The following PTPN9 variants were observed in gnomAD, a reference collection of about 807,000 sequenced individuals.
PTPN9 encodes the protein tyrosine-protein phosphatase non-receptor type 9.
PTPN9 carries 26 observed loss-of-function variants against 69.8 expected under a neutral mutation model. That is an observed-to-expected ratio of 0.37 (90% confidence interval 0.27 to 0.52). The LOEUF is 0.52. Ranked by LOEUF, PTPN9 falls within the 20% of genes least tolerant of loss-of-function variation. PTPN9 has a pLI of 0.91. For missense variants in PTPN9, 549 were observed against 740.3 expected (o/e 0.74, Z 3.00); for synonymous variants, 274 against 272.5 (o/e 1.01, Z -0.05).
At chr15:75,504,515 G>T (rs1438950953) in intron 7 of PTPN9, among the ~76,000 whole-genome samples, 5 of 139,018 alleles carry the variant, frequency 3.6e-5, no homozygotes, top group Non-Finnish European at 7.9e-5. Context: ...GGGAGGTGGG[G>T]GGGGTCAGCC....
At chr15:75,567,795 T>C (rs1355076115) in intron 1 of PTPN9, among the ~76,000 whole-genome samples, 2 of 151,090 alleles carry the variant, frequency 1.3e-5, no homozygotes, top group African/African-American at 4.9e-5. Flanking sequence ...AGGAGATCAA[T>C]ACCGTCCTGA....
chr15:75,490,863 G>C (rs1338962682), intron 7 of PTPN9, among the ~76,000 whole-genome samples: 1 of 152,106 alleles, frequency 6.6e-6, no homozygotes, highest in Non-Finnish European at 1.5e-5. Flanking sequence ...CTGACCTCAT[G>C]ATCTGCCCGC....
chr15:75,483,124 C>T (rs182909049), intron 8 of PTPN9, among the ~76,000 whole-genome samples: 1 of 152,328 alleles, frequency 6.6e-6, no homozygotes. Flanking sequence ...CCTCCTTATA[C>T]ATGGCTAGTG....
intron 1 of PTPN9, among the ~76,000 whole-genome samples, chr15:75,558,782 C>G (rs1225793186): frequency 6.6e-6 from 1 of 152,316 alleles, no homozygotes; most frequent in South Asian, 2.1e-4. Context: ...CTGCCAGCCT[C>G]GGCCTCCCAA....
chr15:75,509,103 C>T (rs1294892783), intron 5 of PTPN9, 76 bp from the exon 6 acceptor site: 2 of 1,201,334 alleles, frequency 1.7e-6, no homozygotes, highest in African/African-American at 1.5e-5. Context: ...GTTTTCTGCT[C>T]TTCTCCCCAT....
chr15:75,545,393 C>G (rs2075027684), intron 1 of PTPN9, among the ~76,000 whole-genome samples: 1 of 150,800 alleles, frequency 6.6e-6, no homozygotes, highest in South Asian at 2.1e-4. Flanking sequence ...CATAGTGAGA[C>G]CCCCCCATCT....
intron 5 of PTPN9, among the ~76,000 whole-genome samples, chr15:75,509,498 G>T (rs1432094238): frequency 6.6e-6 from 1 of 152,148 alleles, no homozygotes; most frequent in Non-Finnish European, 1.5e-5. Flanking sequence ...AGACCAGCCT[G>T]GCCAACATGG....
chr15:75,490,405 G>A (rs2074702790), intron 7 of PTPN9, 104 bp from the exon 8 acceptor site: 1 of 771,230 alleles, frequency 1.3e-6, no homozygotes, highest in Non-Finnish European at 2.2e-6. Context: ...TCTTAGGGGT[G>A]GAGACATGGA....
intron 7 of PTPN9, 74 bp from the exon 8 acceptor site, chr15:75,490,375 G>A: frequency 9.6e-7 from 1 of 1,042,380 alleles, no homozygotes. Context: ...ATCTGACCAT[G>A]CTAAAGGGGT....
intron 1 of PTPN9, among the ~76,000 whole-genome samples, chr15:75,538,855 A>T (rs766346612): frequency 6.6e-6 from 1 of 152,112 alleles, no homozygotes; most frequent in Non-Finnish European, 1.5e-5. Flanking sequence ...AACTGGTAAT[A>T]ATGGTCACCT....
At chr15:75,486,249 T>C (rs1254955274) in intron 8 of PTPN9, among the ~76,000 whole-genome samples, 1 of 152,074 alleles carries the variant, frequency 6.6e-6, no homozygotes, top group African/African-American at 2.4e-5. Context: ...TAACTTCAAA[T>C]GTGTAATCCC....
chr15:75,543,812 A>AT (rs1222668042), intron 1 of PTPN9, among the ~76,000 whole-genome samples: 2 of 152,200 alleles, frequency 1.3e-5, no homozygotes, highest in Non-Finnish European at 2.9e-5. Context: ...TGAACATAAT[A>AT]TTTTTGAAAC....
At chr15:75,541,563 T>C (rs1368151637) in intron 1 of PTPN9, among the ~76,000 whole-genome samples, 1 of 150,580 alleles carries the variant, frequency 6.6e-6, no homozygotes, top group Non-Finnish European at 1.5e-5. Flanking sequence ...CGCGCCACCA[T>C]GCCTGGCTAA....
At chr15:75,469,068 A>G (rs955105758) in intron 12 of PTPN9, 85 bp from the exon 13 acceptor site, 2 of 1,260,356 alleles carry the variant, frequency 1.6e-6, no homozygotes, top group Non-Finnish European at 2.2e-6. Context: ...AACTGAATGA[A>G]TGACTTCACA....
chr15:75,526,913 G>T (rs116545247), intron 2 of PTPN9, among the ~76,000 whole-genome samples: 5 of 152,146 alleles, frequency 3.3e-5, no homozygotes, highest in African/African-American at 1.2e-4. Flanking sequence ...CCTGGTCTAC[G>T]ATCAAAACTT....
intron 1 of PTPN9, among the ~76,000 whole-genome samples, chr15:75,557,512 C>T (rs185861040): frequency 2.4e-3 from 360 of 152,002 alleles, no homozygotes; most frequent in African/African-American, 8.3e-3. Flanking sequence ...TGTTTCAATT[C>T]TTTTATATAC....
chr15:75,576,957 TA>T (rs985592070), intron 1 of PTPN9, among the ~76,000 whole-genome samples: 2 of 152,122 alleles, frequency 1.3e-5, no homozygotes, highest in Admixed American at 6.6e-5. Context: ...GAAATGCTTG[TA>T]AAAAAATAAT....
chr15:75,522,360 TTTG>T (rs999757738), intron 4 of PTPN9, among the ~76,000 whole-genome samples: 4 of 152,060 alleles, frequency 2.6e-5, no homozygotes, highest in Non-Finnish European at 5.9e-5. Flanking sequence ...TGAATGTTTT[TTTG>T]TTGTTGTTGT....
chr15:75,479,662 T>G (rs1418464045), intron 9 of PTPN9, among the ~76,000 whole-genome samples, 186 bp downstream of exon 9: 1 of 152,168 alleles, frequency 6.6e-6, no homozygotes, highest in Non-Finnish European at 1.5e-5. Context: ...CAGGCACACC[T>G]GGTACAGAAA....
Sources: gnomAD v4.1 joint callset for allele counts (sites outside exome capture counted in the v4.1 genomes callset) on GRCh38, gnomAD v4.1.1 for gene constraint, MANE v1.5 for transcripts, NCBI Gene and HGNC (gene_info 2026-07-23, HGNC 2026-07-21) for gene names.